XYLT1: variants seen among roughly 807,000 people sequenced by gnomAD.
XYLT1 encodes the protein beta-D-xylosyltransferase 1.
In XYLT1, 36 loss-of-function variants were observed where a neutral mutation model predicts 91.3. The observed-to-expected ratio is 0.39, with a 90% CI of 0.30 to 0.52. The LOEUF (loss-of-function observed/expected upper bound fraction) is 0.52, where lower values mean the gene tolerates loss of function less well. XYLT1 is among the 20% of genes least tolerant of loss of function. The pLI, the probability that XYLT1 is intolerant of heterozygous loss-of-function variation, is 0.68. For missense variants in XYLT1, 1,242 were observed against 1,284.5 expected (o/e 0.97, Z 0.51); for synonymous variants, 588 against 532.0 (o/e 1.11, Z -1.45).
intron 1 of XYLT1, among the ~76,000 whole-genome samples, chr16:17,408,881 C>G (rs888123027): frequency 6.6e-6 from 1 of 151,924 alleles, no homozygotes; most frequent in Non-Finnish European, 1.5e-5. Context: ...AAAAGAGTAA[C>G]GAGTGTTAGA....
chr16:17,470,610 G>C lies in XYLT1; in HGVS notation c.187C>G (p.Pro63Ala), dbSNP rs1206996880. The part of the protein sequence containing the change: ...GGEQPPPAPA[P>A]RRERRDLPAE... ...GGCAGGTCCCGGCGCTCCCGGCGCG[G>C]GGCCGGGGCCGGGGGCGGCTGCTCC... The change falls in exon 1 of 12, where the codon CCG becomes GCG. Residue 63 changes from proline (P) to alanine (A), a missense_variant. Transcript: ENST00000261381. 3 of 1,126,964 alleles carry C rather than the reference G, an allele frequency of 2.7e-6. No individual in the cohort carries two copies. The highest frequency in any genetic ancestry group is 4.2e-5 in the South Asian group (1 of 23,562). The allele number at this position is 1,126,964 out of a possible 1,614,324, so 69.8% of individuals were successfully genotyped here.
At chr16:17,164,072 A>AAAAAAAAAAAAAAC (rs1197550126) in intron 5 of XYLT1, among the ~76,000 whole-genome samples, 1 of 148,066 alleles carries the variant, frequency 6.8e-6, no homozygotes, top group Non-Finnish European at 1.5e-5. Context: ...AAAAAAAAGA[A>AAAAAAAAAAAAAAC]AGACTATGCT....
chr16:17,301,996 G>C (rs907662463), intron 2 of XYLT1, among the ~76,000 whole-genome samples: 3 of 152,148 alleles, frequency 2.0e-5, no homozygotes, highest in Admixed American at 2.0e-4. Context: ...CGGATCATTT[G>C]AGGTCAGAAG....
At chr16:17,183,724 G>T (rs1162044917) in intron 5 of XYLT1, among the ~76,000 whole-genome samples, 1 of 152,170 alleles carries the variant, frequency 6.6e-6, no homozygotes, top group Admixed American at 6.5e-5. Flanking sequence ...AGTATGGCAG[G>T]TCTTAAAAGG....
chr16:17,279,078 C>T (rs1348136411), intron 2 of XYLT1, among the ~76,000 whole-genome samples: 1 of 152,224 alleles, frequency 6.6e-6, no homozygotes, highest in Non-Finnish European at 1.5e-5. Flanking sequence ...CTCCCTAATG[C>T]ACCTTTCAGC....
chr16:17,187,420 A>AGC (rs2032208963), intron 5 of XYLT1, among the ~76,000 whole-genome samples: 1 of 138,178 alleles, frequency 7.2e-6, no homozygotes, highest in Non-Finnish European at 1.6e-5. Context: ...AAAAAAAATT[A>AGC]GCCAGATGTG....
chr16:17,324,022 G>A (rs2141832461), intron 2 of XYLT1, among the ~76,000 whole-genome samples: 1 of 152,284 alleles, frequency 6.6e-6, no homozygotes, highest in African/African-American at 2.4e-5. Flanking sequence ...TGTCACAACA[G>A]CTGGGTAGAA....
intron 3 of XYLT1, among the ~76,000 whole-genome samples, chr16:17,229,820 A>G (rs576123849): frequency 7.9e-5 from 12 of 152,310 alleles, no homozygotes; most frequent in Middle Eastern, 3.4e-3. Context: ...AATCATGTCC[A>G]CTCAGAATCT....
chr16:17,107,095 TA>T lies in XYLT1; in HGVS notation c.*1599del, dbSNP rs1449385305. The T allele has an allele frequency of 6.6e-6, 1 of 152,142 alleles. No homozygotes were observed. Among genetic ancestry groups the T allele is most frequent in the Non-Finnish European group, 1.5e-5 (1 of 68,030 alleles). 9.4% of individuals were successfully genotyped at this position (152,142 alleles called of 1,614,324 possible). On this transcript the variant is annotated 3_prime_UTR_variant, in exon 12 of 12. Coordinates refer to ENST00000261381, the MANE Select transcript of XYLT1 (RefSeq NM_022166.4). ...CAGCACCTACTAATTAGTCATCGAC[TA>T]AAACATGTAAATAATAAATATCTAA...
intron 11 of XYLT1, among the ~76,000 whole-genome samples, chr16:17,113,482 C>A (rs1296041553): frequency 6.6e-6 from 1 of 152,184 alleles, no homozygotes; most frequent in African/African-American, 2.4e-5. Flanking sequence ...GCTCAGAACT[C>A]CTGTAACCCT....
chr16:17,326,938 C>T (rs2034812888), intron 2 of XYLT1, among the ~76,000 whole-genome samples: 1 of 152,204 alleles, frequency 6.6e-6, no homozygotes, highest in African/African-American at 2.4e-5. Context: ...CAAACAAGTG[C>T]AGAGCCATGG....
intron 5 of XYLT1, among the ~76,000 whole-genome samples, chr16:17,178,386 C>G (rs1052143366): frequency 6.6e-6 from 1 of 152,158 alleles, no homozygotes; most frequent in Non-Finnish European, 1.5e-5. Context: ...ATCTCCATCA[C>G]TCATTCTCTA....
At chr16:17,321,054 C>T (rs780163862) in intron 2 of XYLT1, among the ~76,000 whole-genome samples, 14 of 152,042 alleles carry the variant, frequency 9.2e-5, no homozygotes, top group Non-Finnish European at 1.8e-4. Flanking sequence ...AGCTCCTCAT[C>T]TACAAAGTGC....
At chr16:17,147,703 G>A (rs887664021) in intron 6 of XYLT1, among the ~76,000 whole-genome samples, 3 of 152,218 alleles carry the variant, frequency 2.0e-5, no homozygotes, top group African/African-American at 7.2e-5. Flanking sequence ...TGGTGGCAGA[G>A]GCCCAGCAAC....
intron 1 of XYLT1, among the ~76,000 whole-genome samples, chr16:17,440,619 G>A (rs957186733): frequency 3.9e-5 from 6 of 152,272 alleles, no homozygotes; most frequent in South Asian, 2.1e-4. Context: ...AATCTTATCC[G>A]TTCATCTGCA....
chr16:17,218,099 A>G (rs2141605771), intron 3 of XYLT1, among the ~76,000 whole-genome samples: 1 of 152,130 alleles, frequency 6.6e-6, no homozygotes, highest in East Asian at 1.9e-4. Flanking sequence ...CTCTACTAAA[A>G]ATACAAAAAT....
chr16:17,413,401 G>A (rs1171667839), intron 1 of XYLT1, among the ~76,000 whole-genome samples: 1 of 151,774 alleles, frequency 6.6e-6, no homozygotes, highest in African/African-American at 2.4e-5. Context: ...TTCATCACAT[G>A]GCTAATTAGT....
chr16:17,470,773 C>A lies in XYLT1; in HGVS notation c.24G>T (p.Arg8=). 3 of 1,049,284 alleles carry A rather than the reference C, an allele frequency of 2.9e-6. No individual in the cohort carries two copies. The highest frequency in any genetic ancestry group is 3.5e-6 in the Non-Finnish European group (3 of 868,496). The allele number at this position is 1,049,284 out of a possible 1,614,324, so 65.0% of individuals were successfully genotyped here. ...CCGAGTGCGAGCGCCGGGCCAGCCT[C>A]CGGGCGCACGGCGCCGCCACCATCT... MVAAPCA[R]RLARRSHSAL... The change falls in exon 1 of 12, where the codon CGG becomes CGT. Residue 8 remains arginine (R), a synonymous_variant. Transcript: ENST00000261381.
intron 6 of XYLT1, among the ~76,000 whole-genome samples, chr16:17,151,168 G>C (rs1449169121): frequency 6.6e-6 from 1 of 152,184 alleles, no homozygotes; most frequent in Admixed American, 6.5e-5. Context: ...GCTCACGCCT[G>C]TAATCCCAGC....
Sources: allele counts gnomAD v4.1 joint callset (sites outside exome capture counted in the v4.1 genomes callset), GRCh38; gene constraint gnomAD v4.1.1; transcripts MANE v1.5; gene names NCBI Gene and HGNC (gene_info 2026-07-23, HGNC 2026-07-21).